Variants in SND1 observed in about 807,000 individuals in gnomAD.
SND1 encodes staphylococcal nuclease domain-containing protein 1.
A neutral mutation model predicts 121.7 loss-of-function variants in SND1; 38 were observed. That is an observed-to-expected ratio of 0.31 (90% CI 0.24 to 0.41). The LOEUF is 0.41. Among genes scored for constraint, SND1 ranks in the 10% least tolerant of loss-of-function variants. The probability of loss-of-function intolerance (pLI) is 1.00; values close to 1 mark genes in which losing one functional copy is unlikely to be tolerated. For synonymous variants in SND1, 401 were observed against 447.4 expected, an observed-to-expected ratio of 0.90 and a Z score of 1.31; for missense variants, 868 against 1,184.6, an observed-to-expected ratio of 0.73 and a Z score of 3.92.
Position 127,955,569 on chromosome 7 carries a change from C to G in SND1, c.1669+26240C>G, listed in dbSNP as rs566331253. 1.1e-4 allele frequency among the ~76,000 whole-genome samples: 17 copies of G among 152,198 alleles called. No homozygotes were observed. The South Asian group carries it at 2.1e-3, about 19-fold the overall frequency. On this transcript the variant is annotated intron_variant, in intron 15 of 23. Coordinates refer to ENST00000354725, the MANE Select transcript of SND1 (RefSeq NM_014390.4). Reference sequence around the variant, plus strand: ...TGGTAAAATTATCTAGGATTTAAAACAGGAGAGAGAAAAATGTAGCTCCTA... The same window carrying G: ...TGGTAAAATTATCTAGGATTTAAAAGAGGAGAGAGAAAAATGTAGCTCCTA...
At chr7:127,733,800 T>C (rs149452221) in intron 10 of SND1, among the ~76,000 whole-genome samples, 7 of 152,208 alleles carry the variant, frequency 4.6e-5, no homozygotes, top group African/African-American at 1.7e-4. Context: ...ACTGCCCTTC[T>C]TTTCATGGTT....
intron 13 of SND1, 72 bp downstream of exon 13, chr7:127,888,084 T>A: frequency 3.3e-6 from 3 of 898,202 alleles, no homozygotes; most frequent in Non-Finnish European, 5.4e-6. Flanking sequence ...TTTGTGCCTA[T>A]ACCTGAGCAG....
At position 127,980,371 on chromosome 7, in the gene SND1, C is replaced by T. The variant is rs376374365; in HGVS notation, c.1670-10576C>T. ...TCCTGACCTCGTGATCCGCCCGCCT[C>T]GGCCTCCCAAAGTGCTGGGATTACA... On this transcript the variant is annotated intron_variant, in intron 15 of 23. Transcript: ENST00000354725. 8.9e-3 allele frequency among the ~76,000 whole-genome samples: 152 copies of T among 17,020 alleles called. 34 individuals carry two copies. The highest frequency in any genetic ancestry group is 0.053 in the East Asian group (139 of 2,642). The allele number at this position is 17,020 out of a possible 152,430, so 11.2% of individuals were successfully genotyped here.
chr7:128,091,754 T>A (rs1793784489), intron 22 of SND1, 83 bp from the exon 23 acceptor site: 1 of 1,443,096 alleles, frequency 6.9e-7, no homozygotes, highest in African/African-American at 1.4e-5. Flanking sequence ...GCTCTGGCGC[T>A]TACCTAAGCA....
chr7:127,796,253 T>C (rs1389467536), intron 10 of SND1, among the ~76,000 whole-genome samples: 1 of 152,154 alleles, frequency 6.6e-6, no homozygotes, highest in East Asian at 1.9e-4. Flanking sequence ...CTTCATTCTA[T>C]GAATTTGCTA....
At chr7:127,748,690 G>T (rs1220961540) in intron 10 of SND1, among the ~76,000 whole-genome samples, 1 of 152,192 alleles carries the variant, frequency 6.6e-6, no homozygotes, top group East Asian at 1.9e-4. Flanking sequence ...AAAACTACAT[G>T]AATTGGTCTG....
chr7:127,951,776 G>A (rs1440857328), intron 15 of SND1, among the ~76,000 whole-genome samples: 1 of 152,156 alleles, frequency 6.6e-6, no homozygotes, highest in African/African-American at 2.4e-5. Flanking sequence ...TTATTAGTAT[G>A]TGTGGGAGCC....
intron 10 of SND1, among the ~76,000 whole-genome samples, chr7:127,782,097 C>T (rs1797734510): frequency 6.6e-6 from 1 of 152,282 alleles, no homozygotes; most frequent in South Asian, 2.1e-4. Context: ...TCATGCCCTG[C>T]CTGGCTGGAT....
Position 127,897,624 on chromosome 7 carries a change from G to A in SND1, c.1455-7123G>A, listed in dbSNP as rs368639604. Among the ~76,000 whole-genome samples the A allele has an allele frequency of 7.2e-5, 11 of 152,242 alleles. No individual in the cohort carries two copies. The East Asian group carries it at 1.9e-3, about 27-fold the overall frequency. ...TTGCCTTGGTAAAGGGAGATGGAAA[G>A]CAAATGCCAATTTCTTGCCCTATGA... is the stretch of plus-strand genomic sequence containing the variant. On this transcript the variant is annotated intron_variant, in intron 13 of 23. Coordinates refer to ENST00000354725, the MANE Select transcript of SND1 (RefSeq NM_014390.4).
At chr7:127,921,956 C>T (rs1342929823) in intron 14 of SND1, among the ~76,000 whole-genome samples, 3 of 151,884 alleles carry the variant, frequency 2.0e-5, no homozygotes, top group African/African-American at 4.8e-5. Flanking sequence ...TTATGAATAA[C>T]GTCCAGACCA....
chr7:127,726,651 T>C (rs1796587578), intron 10 of SND1, among the ~76,000 whole-genome samples: 4 of 152,202 alleles, frequency 2.6e-5, no homozygotes, highest in Admixed American at 2.6e-4. Context: ...CCAGGGCTGC[T>C]GTGGGCTTTG....
Position 128,026,355 on chromosome 7 carries a change from G to T in SND1, c.1779+35299G>T, listed in dbSNP as rs535215665. ...TGCTGGCACACTGATACCCAGAAATGATGTATATACCCAGGAGGATTAAGA... is the reference window on the plus strand; with the variant it reads ...TGCTGGCACACTGATACCCAGAAATTATGTATATACCCAGGAGGATTAAGA... On this transcript the variant is annotated intron_variant, in intron 16 of 23. Transcript: ENST00000354725. Among the ~76,000 whole-genome samples, 12 of 152,330 alleles carry T rather than the reference G, an allele frequency of 7.9e-5. No individual in the cohort carries two copies. The East Asian group carries it at 2.3e-3, about 29-fold the overall frequency.
intron 15 of SND1, among the ~76,000 whole-genome samples, chr7:127,990,250 T>A (rs1802490775): frequency 6.6e-6 from 1 of 152,210 alleles, no homozygotes; most frequent in Non-Finnish European, 1.5e-5. Context: ...TGAGACTTTC[T>A]GAGTAATTTG....
chr7:127,700,777 G>T (rs1796087067), intron 4 of SND1, among the ~76,000 whole-genome samples: 1 of 152,094 alleles, frequency 6.6e-6, no homozygotes, highest in African/African-American at 2.4e-5. Context: ...TTCTTAGTCG[G>T]CTTCTCTGCA....
chr7:128,056,506 T>G (rs773426370), intron 16 of SND1, among the ~76,000 whole-genome samples: 1 of 152,246 alleles, frequency 6.6e-6, no homozygotes, highest in Non-Finnish European at 1.5e-5. Flanking sequence ...GCATCTGTAT[T>G]TCCATTTCAT....
At chr7:128,030,691 G>A in intron 16 of SND1, 1 of 1,524,030 alleles carries the variant, frequency 6.6e-7, no homozygotes, top group South Asian at 1.3e-5. Flanking sequence ...GCTCGGAAAG[G>A]AGAACCAGCC....
intron 11 of SND1, among the ~76,000 whole-genome samples, chr7:127,816,015 G>A (rs1051193862): frequency 3.9e-5 from 6 of 152,156 alleles, no homozygotes; most frequent in Non-Finnish European, 8.8e-5. Context: ...CCCTCCTGCA[G>A]ACCAGCTGAC....
chr7:127,726,119 C>T (rs1195198180), intron 10 of SND1, among the ~76,000 whole-genome samples: 2 of 152,148 alleles, frequency 1.3e-5, no homozygotes, highest in Non-Finnish European at 2.9e-5. Flanking sequence ...CTAATTGGAG[C>T]CAGAGGAAGT....
chr7:128,000,577 C>T (rs1802801903), intron 16 of SND1, among the ~76,000 whole-genome samples: 1 of 152,016 alleles, frequency 6.6e-6, no homozygotes, highest in Non-Finnish European at 1.5e-5. Flanking sequence ...ACCATGTTGC[C>T]CAGGCTGGTC....
Sources: allele counts gnomAD v4.1 joint callset (sites outside exome capture counted in the v4.1 genomes callset), GRCh38; gene constraint gnomAD v4.1.1; transcripts MANE v1.5; gene names NCBI Gene and HGNC (gene_info 2026-07-23, HGNC 2026-07-21).